TTLL11: variants seen among roughly 807,000 people sequenced by gnomAD.
TTLL11 encodes the protein tubulin polyglutamylase TTLL11.
TTLL11 carries 42 observed loss-of-function variants against 51.7 expected under a neutral mutation model. That is an observed-to-expected ratio of 0.81 (90% confidence interval 0.64 to 1.05). TTLL11 has a LOEUF of 1.05. Ranked by LOEUF, TTLL11 falls within the 50% of genes least tolerant of loss-of-function variation. TTLL11 has a pLI of 0.00. For missense variants in TTLL11, 799 were observed against 940.4 expected (o/e 0.85, Z 1.97); for synonymous variants, 381 against 383.5 (o/e 0.99, Z 0.08).
intron 2 of TTLL11, among the ~76,000 whole-genome samples, chr9:122,038,141 T>C (rs1014019572): frequency 4.6e-5 from 7 of 151,610 alleles, no homozygotes; most frequent in Admixed American, 6.5e-5. Context: ...AATATTCATA[T>C]TGCTGTTTTG....
intron 6 of TTLL11, among the ~76,000 whole-genome samples, chr9:121,903,373 T>C (rs1357558812): frequency 6.6e-6 from 1 of 152,154 alleles, no homozygotes; most frequent in Non-Finnish European, 1.5e-5. Flanking sequence ...CTTAGCTAAA[T>C]CTTTGGCAGT....
intron 6 of TTLL11, among the ~76,000 whole-genome samples, chr9:121,968,367 T>C (rs1007442818): frequency 6.6e-6 from 1 of 152,230 alleles, no homozygotes; most frequent in African/African-American, 2.4e-5. Context: ...CAGTGACATC[T>C]TGCTACCTGG....
intron 2 of TTLL11, among the ~76,000 whole-genome samples, chr9:122,032,435 G>A (rs1844580780): frequency 6.6e-6 from 1 of 152,122 alleles, no homozygotes; most frequent in African/African-American, 2.4e-5. Flanking sequence ...TATACTTCAA[G>A]GGAAAAATGC....
At chr9:122,009,280 A>T (rs1376667848) in intron 3 of TTLL11, among the ~76,000 whole-genome samples, 1 of 152,174 alleles carries the variant, frequency 6.6e-6, no homozygotes, top group Non-Finnish European at 1.5e-5. Flanking sequence ...TTTCAAAACA[A>T]CATGTTGTAC....
At position 121,817,680 on chromosome 9, in the gene TTLL11, A is replaced by G. The variant is rs533955788; in HGVS notation, c.*4907T>C. On this transcript the variant is annotated 3_prime_UTR_variant, in exon 9 of 9. Transcript: ENST00000321582. ...TGGGTTTCCACACCTGCAAAATGGG[A>G]TGTTTTGGGGAGTGCTGAGGCACCG... is the stretch of plus-strand genomic sequence containing the variant. 9 of 152,344 alleles carry G rather than the reference A, an allele frequency of 5.9e-5. No individual in the cohort carries two copies. Among genetic ancestry groups the G allele is most frequent in the Non-Finnish European group, 1.2e-4 (8 of 68,078 alleles). 9.4% of individuals were successfully genotyped at this position (152,344 alleles called of 1,614,324 possible). A position where few individuals can be genotyped will look rare whatever the true frequency, so the allele number is the denominator to read the frequency against.
intron 1 of TTLL11, among the ~76,000 whole-genome samples, chr9:122,052,705 A>G (rs2131851767): frequency 6.6e-6 from 1 of 152,272 alleles, no homozygotes; most frequent in Non-Finnish European, 1.5e-5. Context: ...CTAAGTTTAA[A>G]TGTGCACATG....
At chr9:121,827,205 G>A (rs374002482) in intron 8 of TTLL11, among the ~76,000 whole-genome samples, 90 of 152,186 alleles carry the variant, frequency 5.9e-4, no homozygotes, top group Middle Eastern at 3.4e-3. Flanking sequence ...TTCCGAGGGA[G>A]TCCAGTATGC....
At chr9:121,863,318 C>A (rs1029852613) in intron 7 of TTLL11, among the ~76,000 whole-genome samples, 1 of 152,208 alleles carries the variant, frequency 6.6e-6, no homozygotes, top group Non-Finnish European at 1.5e-5. Context: ...ATTTACAAAG[C>A]TTCATTAGGA....
chr9:121,915,492 A>G (rs947749676), intron 6 of TTLL11, among the ~76,000 whole-genome samples: 1 of 152,192 alleles, frequency 6.6e-6, no homozygotes, highest in Admixed American at 6.5e-5. Flanking sequence ...CACCCATCAC[A>G]TCGTATTCTA....
In TTLL11 at chr9:121,995,597, G is replaced by A. The variant is rs559820334; in HGVS notation, c.694-5827C>T. Among the ~76,000 whole-genome samples, 79 of 152,290 alleles carry A rather than the reference G, an allele frequency of 5.2e-4. No homozygotes were observed. Among genetic ancestry groups the A allele is most frequent in the African/African-American group, 1.7e-3 (69 of 41,544 alleles). ...TTAACAGATTTAGGGACTACAGGGA[G>A]AGGAGCAGGTCTCATTGAAGGAAAG... On this transcript the variant is annotated intron_variant, in intron 3 of 8. Transcript: ENST00000321582. The surrounding 1 kb of genome is among the most constrained non-coding windows in gnomAD (Gnocchi z 4.4).
chr9:121,855,769 C>T (rs1837797658), intron 8 of TTLL11, among the ~76,000 whole-genome samples: 1 of 152,188 alleles, frequency 6.6e-6, no homozygotes, highest in Admixed American at 6.5e-5. Context: ...GCTCATCAAA[C>T]ATTAACTGGG....
At chr9:122,079,368 T>C (rs1202924454) in intron 1 of TTLL11, among the ~76,000 whole-genome samples, 1 of 151,944 alleles carries the variant, frequency 6.6e-6, no homozygotes, top group Non-Finnish European at 1.5e-5. Context: ...TGTAACCCCC[T>C]CCCCCTTTTT....
chr9:122,020,558 G>T (rs1844140395), intron 3 of TTLL11, among the ~76,000 whole-genome samples: 1 of 152,212 alleles, frequency 6.6e-6, no homozygotes, highest in African/African-American at 2.4e-5. Context: ...GAAGAATCCT[G>T]CGAGGGTTGC....
At chr9:121,937,997 A>G (rs1374630642) in intron 6 of TTLL11, among the ~76,000 whole-genome samples, 1 of 152,168 alleles carries the variant, frequency 6.6e-6, no homozygotes, top group Non-Finnish European at 1.5e-5. Flanking sequence ...ATTTTCTTTA[A>G]AATCAGGAAT....
chr9:121,823,102 A>G (rs1456488788), intron 8 of TTLL11, among the ~76,000 whole-genome samples: 1 of 152,220 alleles, frequency 6.6e-6, no homozygotes. Flanking sequence ...CAAATCTCTC[A>G]CACAGACCTA....
chr9:121,915,394 T>C (rs1840286634), intron 6 of TTLL11, among the ~76,000 whole-genome samples: 1 of 152,228 alleles, frequency 6.6e-6, no homozygotes, highest in Non-Finnish European at 1.5e-5. Context: ...CAAGAACATG[T>C]GCACATTTGC....
chr9:121,971,538 T>C (rs1374565162), intron 6 of TTLL11, among the ~76,000 whole-genome samples: 1 of 138,954 alleles, frequency 7.2e-6, no homozygotes. Flanking sequence ...GAGGAGCCCC[T>C]CTGCCCGGCC....
intron 6 of TTLL11, among the ~76,000 whole-genome samples, chr9:121,910,809 T>C (rs997130610): frequency 2.6e-5 from 4 of 152,222 alleles, no homozygotes; most frequent in Non-Finnish European, 4.4e-5. Context: ...GTATAATCAT[T>C]GTTTTGACTA....
chr9:121,863,520 C>T (rs1170408430), intron 7 of TTLL11, among the ~76,000 whole-genome samples: 1 of 152,134 alleles, frequency 6.6e-6, no homozygotes, highest in Admixed American at 6.5e-5. Context: ...TAGCAGGAGC[C>T]GTAATTTACC....
Sources: gnomAD v4.1 joint callset for allele counts (sites outside exome capture counted in the v4.1 genomes callset) on GRCh38, gnomAD v4.1.1 for gene constraint, Gnocchi (gnomAD v3.1) non-coding constraint, MANE v1.5 for transcripts, NCBI Gene and HGNC (gene_info 2026-07-23, HGNC 2026-07-21) for gene names.